Variants in VPS35 observed in about 807,000 individuals in gnomAD.
The protein encoded by VPS35 is vacuolar protein sorting-associated protein 35.
In VPS35, 21 loss-of-function variants were observed where a neutral mutation model predicts 98.1. The observed-to-expected ratio is 0.21, with a 90% CI of 0.15 to 0.31. VPS35 has a LOEUF of 0.31. Ranked by LOEUF, VPS35 falls within the 10% of genes least tolerant of loss-of-function variation. The pLI is 1.00. For missense variants in VPS35, 554 were observed against 950.8 expected, an observed-to-expected ratio of 0.58 and a Z score of 5.49; for synonymous variants, 268 against 318.2, an observed-to-expected ratio of 0.84 and a Z score of 1.68.
intron 1 of VPS35, among the ~76,000 whole-genome samples, chr16:46,686,981 T>C (rs900236798): frequency 5.3e-5 from 8 of 152,198 alleles, no homozygotes; most frequent in Non-Finnish European, 8.8e-5. Flanking sequence ...TCTTTCCTCT[T>C]CTATGAAACA....
Position 46,675,187 on chromosome 16 carries a change from A to G in VPS35, c.915-527T>C, listed in dbSNP as rs73541845. On this transcript the variant is annotated intron_variant, in intron 8 of 16. Coordinates refer to ENST00000299138, the MANE Select transcript of VPS35 (RefSeq NM_018206.6). The stretch of plus-strand genomic sequence containing the variant: ...TATTAAGTAGATTTTCAACAAGATA[A>G]TTCTCTCAACTCTTTGAAGCATAAT... Among the ~76,000 whole-genome samples the G allele has an allele frequency of 2.2e-3, 333 of 151,980 alleles. 2 individuals are homozygous for G. Among genetic ancestry groups the G allele is most frequent in the African/African-American group, 7.9e-3 (326 of 41,320 alleles).
At chr16:46,682,427 T>C in intron 2 of VPS35, 1 of 431,300 alleles carries the variant, frequency 2.3e-6, no homozygotes. Context: ...AGAATGCTAA[T>C]CTTTTCAATC....
At chr16:46,681,170 T>C (rs1966228576) in intron 4 of VPS35, among the ~76,000 whole-genome samples, 1 of 152,124 alleles carries the variant, frequency 6.6e-6, no homozygotes, top group Non-Finnish European at 1.5e-5. Flanking sequence ...AGCATGTCCA[T>C]TTTTTCTATT....
chr16:46,679,163 A>C lies in VPS35; in HGVS notation c.507-7T>G, dbSNP rs1567268230. The C allele has an allele frequency of 6.3e-7, 1 of 1,595,738 alleles. No homozygotes were observed. Among genetic ancestry groups the C allele is most frequent in the Non-Finnish European group, 8.6e-7 (1 of 1,169,580 alleles). Reference sequence around the variant, plus strand: ...GTCACCAGTTGTTTCTTCACTGCAAAGAAACAGAAAAGTCTTTACACAGTA... The same window carrying C: ...GTCACCAGTTGTTTCTTCACTGCAACGAAACAGAAAAGTCTTTACACAGTA... On this transcript the variant is annotated splice_region_variant and splice_polypyrimidine_tract_variant and intron_variant, in intron 5 of 16. Transcript: ENST00000299138.
chr16:46,662,119 C>T, intron 15 of VPS35, 124 bp downstream of exon 15: 1 of 1,555,596 alleles, frequency 6.4e-7, no homozygotes, highest in East Asian at 2.3e-5. Flanking sequence ...TTTAACAAAA[C>T]AAAGCAATTT....
intron 12 of VPS35, among the ~76,000 whole-genome samples, 198 bp downstream of exon 12, chr16:46,671,507 T>C (rs1311417982): frequency 6.6e-6 from 1 of 152,096 alleles, no homozygotes; most frequent in Non-Finnish European, 1.5e-5. Context: ...AGTCTCGCTG[T>C]GTTGCCCAGG....
At chr16:46,675,675 T>G (rs552117961) in intron 8 of VPS35, among the ~76,000 whole-genome samples, 1 of 152,196 alleles carries the variant, frequency 6.6e-6, no homozygotes, top group Non-Finnish European at 1.5e-5. Context: ...AAAAGGTATC[T>G]GCAGAAATAA....
intron 13 of VPS35, among the ~76,000 whole-genome samples, chr16:46,666,302 CTT>C (rs1409026981): frequency 2.8e-5 from 4 of 143,070 alleles, no homozygotes; most frequent in Admixed American, 7.2e-5. Context: ...GAGTTTCACT[CTT>C]GTTGCCCAGG....
At position 46,661,680 on chromosome 16, in the gene VPS35, ATATT is replaced by A; in HGVS notation, c.2211+34_2211+37del. ...AATCTCCTAAGAGTAGGAAGGGAAA[ATATT>A]AGTTTATTAACAACACTTTACTAAT... On this transcript the variant is annotated intron_variant, in intron 16 of 16. Coordinates refer to ENST00000299138, the MANE Select transcript of VPS35 (RefSeq NM_018206.6). The surrounding 1 kb of genome is among the most constrained non-coding windows in gnomAD (Gnocchi z 4.3). 1 of 1,563,104 alleles carries A rather than the reference ATATT, an allele frequency of 6.4e-7. No individual in the cohort carries two copies. The highest frequency in any genetic ancestry group is 2.2e-5 in the East Asian group (1 of 44,558).
chr16:46,656,275 T>A lies in VPS35; in HGVS notation c.*4197A>T, dbSNP rs1596705931. On this transcript the variant is annotated 3_prime_UTR_variant, in exon 17 of 17. Transcript: ENST00000299138. ...CTCTGCACATGGGAAGATAAACTCG[T>A]AATGAACATTATCAATCAGTATGCA... 1 of 152,228 alleles carries A rather than the reference T, an allele frequency of 6.6e-6. No homozygotes were observed. The highest frequency in any genetic ancestry group is 1.9e-4 in the East Asian group (1 of 5,198). 9.4% of individuals were successfully genotyped at this position (152,228 alleles called of 1,614,324 possible). A position where few individuals can be genotyped will look rare whatever the true frequency, so the allele number is the denominator to read the frequency against.
At chr16:46,683,344 T>G in intron 2 of VPS35, 164 bp downstream of exon 2, 1 of 688,454 alleles carries the variant, frequency 1.5e-6, no homozygotes, top group South Asian at 1.7e-5. Context: ...GGGCTCTTTG[T>G]TGAAATTGCT....
rs191544365 is a variant in VPS35 at position 46,661,909 on chromosome 16, C to T, written c.2068-48G>A. 8.1e-6 allele frequency: 13 copies of T among 1,611,818 alleles called. No individual in the cohort carries two copies. Among genetic ancestry groups the T allele is most frequent in the South Asian group, 1.1e-5 (1 of 90,686 alleles). On this transcript the variant is annotated intron_variant, in intron 15 of 16. Coordinates refer to ENST00000299138, the MANE Select transcript of VPS35 (RefSeq NM_018206.6). This position sits in a 1 kb window ranked among gnomAD's most constrained non-coding sequence, Gnocchi z 4.3. The stretch of plus-strand genomic sequence containing the variant: ...CAGTGAAGAGATTAATGAAACATCT[C>T]GTTTTCATACAAAGAAACACAACAC...
At chr16:46,688,749 C>T in intron 1 of VPS35, 1 of 1,229,204 alleles carries the variant, frequency 8.1e-7, no homozygotes, top group Non-Finnish European at 1.0e-6. Context: ...CTCCGAGTCT[C>T]AGGGCCTCCA....
At chr16:46,674,762 T>G (rs1966119820) in intron 8 of VPS35, 102 bp from the exon 9 acceptor site, 1 of 1,120,438 alleles carries the variant, frequency 8.9e-7, no homozygotes. Flanking sequence ...ATATTTTGTA[T>G]GAGCCCAAAA....
At position 46,658,132 on chromosome 16, in the gene VPS35, A is replaced by C. The variant is rs1336442124; in HGVS notation, c.*2340T>G. The C allele has an allele frequency of 6.6e-6, 1 of 152,518 alleles. No individual in the cohort carries two copies. The highest frequency in any genetic ancestry group is 1.5e-5 in the Non-Finnish European group (1 of 68,050). 9.4% of individuals were successfully genotyped at this position (152,518 alleles called of 1,614,324 possible). A position where few individuals can be genotyped will look rare whatever the true frequency, so the allele number is the denominator to read the frequency against. ...CCAAGAGTATAACTTGCTTCAGCCC[A>C]TGGGTCTGAGGAGCCTGGGACTGCA... On this transcript the variant is annotated 3_prime_UTR_variant, in exon 17 of 17. Coordinates refer to ENST00000299138, the MANE Select transcript of VPS35 (RefSeq NM_018206.6).
chr16:46,670,589 G>T (rs533206628), intron 12 of VPS35, among the ~76,000 whole-genome samples: 1 of 152,186 alleles, frequency 6.6e-6, no homozygotes, highest in African/African-American at 2.4e-5. Context: ...CCCGCCGGAA[G>T]GAATAGTTTC....
chr16:46,677,845 C>A (rs755872592), intron 6 of VPS35, among the ~76,000 whole-genome samples: 46 of 152,178 alleles, frequency 3.0e-4, no homozygotes, highest in Non-Finnish European at 6.3e-4. Flanking sequence ...CCTCAGAAAT[C>A]TTTGTCTAAT....
rs548306760 is a variant in VPS35, at chr16:46,670,054, AT to A, written c.1525-1003del. 1.4e-4 allele frequency among the ~76,000 whole-genome samples: 22 copies of A among 151,822 alleles called. No individual in the cohort carries two copies. The East Asian group carries it at 4.1e-3, about 28-fold the overall frequency. On this transcript the variant is annotated intron_variant, in intron 12 of 16. Transcript: ENST00000299138. ...TCCATGAATTCTGTGTTTTTCTTGG[AT>A]TTTTTTTTCTGAAATGGCACAACAT...
intron 4 of VPS35, among the ~76,000 whole-genome samples, 178 bp downstream of exon 4, chr16:46,681,199 T>C (rs920925054): frequency 1.3e-5 from 2 of 152,020 alleles, no homozygotes; most frequent in Non-Finnish European, 2.9e-5. Flanking sequence ...TCCTCAAATA[T>C]CTACATAAAA....
Sources: gnomAD v4.1 joint callset for allele counts (sites outside exome capture counted in the v4.1 genomes callset) on GRCh38, gnomAD v4.1.1 for gene constraint, Gnocchi (gnomAD v3.1) non-coding constraint, MANE v1.5 for transcripts, NCBI Gene and HGNC (gene_info 2026-07-23, HGNC 2026-07-21) for gene names.